TTC33: variants seen among roughly 807,000 people sequenced by gnomAD.
TTC33 encodes tetratricopeptide repeat domain 33.
In TTC33, 24 loss-of-function variants were observed where a neutral mutation model predicts 29.4. The ratio of observed to expected loss-of-function variants is 0.82; its 90% CI spans 0.59 to 1.15. The LOEUF is 1.15. TTC33 is among the 50% of genes most tolerant of loss of function. The pLI is 0.00. For missense variants in TTC33, 286 were observed against 310.4 expected (o/e 0.92, Z 0.59); for synonymous variants, 107 against 100.3 (o/e 1.07, Z -0.40).
At chr5:40,729,818 C>G (rs1487264756) in intron 3 of TTC33, among the ~76,000 whole-genome samples, 1 of 152,180 alleles carries the variant, frequency 6.6e-6, no homozygotes, top group Non-Finnish European at 1.5e-5. Flanking sequence ...CCTGCCTCAG[C>G]CTCTCAAGTA....
intron 4 of TTC33, among the ~76,000 whole-genome samples, chr5:40,724,887 C>A (rs1350531105): frequency 1.4e-5 from 2 of 146,422 alleles, no homozygotes; most frequent in East Asian, 4.0e-4. Context: ...GAGTCTCACT[C>A]TGTCACTCAT....
At chr5:40,739,716 G>T (rs576758902) in intron 2 of TTC33, among the ~76,000 whole-genome samples, 3 of 152,290 alleles carry the variant, frequency 2.0e-5, no homozygotes, top group Admixed American at 1.3e-4. Context: ...ACAGAACCGT[G>T]AGCCAATTAA....
At position 40,744,259 on chromosome 5, in the gene TTC33, TAGTTA is replaced by T. The variant is rs145311538; in HGVS notation, c.221+2534_221+2538del. 3.1e-3 allele frequency among the ~76,000 whole-genome samples: 465 copies of T among 152,334 alleles called. 11 individuals are homozygous for T. The East Asian group carries it at 0.063, about 21-fold the overall frequency. On this transcript the variant is annotated intron_variant, in intron 2 of 4. Coordinates refer to ENST00000337702, the MANE Select transcript of TTC33 (RefSeq NM_012382.3). Reference sequence around the variant, plus strand: ...TGAGAATTCACAACCTAACATTAGCTAGTTAAGTTAATTGATCTTGATTGCTATTT... The same window carrying T: ...TGAGAATTCACAACCTAACATTAGCTAGTTAATTGATCTTGATTGCTATTT...
Position 40,715,865 on chromosome 5 carries a change from T to TTG in TTC33, c.*279_*280insCA. On this transcript the variant is annotated 3_prime_UTR_variant, in exon 5 of 5. Coordinates refer to ENST00000337702, the MANE Select transcript of TTC33 (RefSeq NM_012382.3). ...AAGAATACATTTTTCAAGTTTTGTC[T>TTG]TTAAAATGTATTCATTTACATATTC... 1 of 307,412 alleles carries TTG rather than the reference T, an allele frequency of 3.3e-6. No individual in the cohort carries two copies. The highest frequency in any genetic ancestry group is 1.3e-4 in the South Asian group (1 of 7,860). The allele number at this position is 307,412 out of a possible 1,614,324, so 19.0% of individuals were successfully genotyped here.
At chr5:40,723,003 A>G (rs1162030977) in intron 4 of TTC33, among the ~76,000 whole-genome samples, 3 of 152,148 alleles carry the variant, frequency 2.0e-5, no homozygotes, top group Non-Finnish European at 4.4e-5. Context: ...GAAAAGGGGG[A>G]AATGTGGGGA....
intron 2 of TTC33, among the ~76,000 whole-genome samples, chr5:40,740,943 A>G (rs145388669): frequency 6.6e-6 from 1 of 152,074 alleles, no homozygotes; most frequent in Admixed American, 6.5e-5. Flanking sequence ...TTTTTTTAAT[A>G]TATCTTCCAT....
intron 4 of TTC33, among the ~76,000 whole-genome samples, chr5:40,724,972 G>A (rs929693206): frequency 4.0e-5 from 6 of 150,584 alleles, no homozygotes; most frequent in African/African-American, 1.5e-4. Context: ...CCTGCCTCCT[G>A]AGTAGCTGGA....
chr5:40,727,739 C>T (rs1397133456), intron 4 of TTC33, among the ~76,000 whole-genome samples: 1 of 152,068 alleles, frequency 6.6e-6, no homozygotes, highest in African/African-American at 2.4e-5. Context: ...CAAAAAGTTG[C>T]CTATTGTCTA....
At chr5:40,738,599 T>TA (rs926358236) in intron 2 of TTC33, among the ~76,000 whole-genome samples, 50 of 146,226 alleles carry the variant, frequency 3.4e-4, no homozygotes, top group Non-Finnish European at 6.8e-4. Flanking sequence ...TAAAATAAAA[T>TA]AAAATAAAAA....
At chr5:40,743,058 C>T (rs1342779200) in intron 2 of TTC33, among the ~76,000 whole-genome samples, 3 of 152,078 alleles carry the variant, frequency 2.0e-5, no homozygotes, top group South Asian at 2.1e-4. Context: ...AAAAGAAAAA[C>T]AACATATAAA....
At chr5:40,717,229 CAAAA>C (rs35359209) in intron 4 of TTC33, among the ~76,000 whole-genome samples, 2 of 108,902 alleles carry the variant, frequency 1.8e-5, no homozygotes, top group Non-Finnish European at 1.8e-5. Flanking sequence ...AACTCCATCT[CAAAA>C]AAAAAAAAAA....
intron 2 of TTC33, among the ~76,000 whole-genome samples, chr5:40,742,409 A>C (rs1214452678): frequency 6.6e-6 from 1 of 152,226 alleles, no homozygotes; most frequent in Non-Finnish European, 1.5e-5. Context: ...AATTCATGTC[A>C]CCATCACAAC....
At chr5:40,740,373 A>T (rs1011528126) in intron 2 of TTC33, among the ~76,000 whole-genome samples, 8 of 151,684 alleles carry the variant, frequency 5.3e-5, no homozygotes, top group Non-Finnish European at 1.0e-4. Flanking sequence ...TTGTCCAATA[A>T]AGTTATTTTG....
intron 2 of TTC33, among the ~76,000 whole-genome samples, chr5:40,740,300 A>G (rs890852381): frequency 1.3e-5 from 2 of 151,576 alleles, no homozygotes; most frequent in African/African-American, 2.4e-5. Flanking sequence ...TTCTATGTAA[A>G]GAATTTCTTT....
At position 40,742,102 on chromosome 5, in the gene TTC33, T is replaced by G. The variant is rs868385319; in HGVS notation, c.221+4696A>C. 1.2e-4 allele frequency among the ~76,000 whole-genome samples: 18 copies of G among 151,458 alleles called. No individual in the cohort carries two copies. In the South Asian group the frequency reaches 3.8e-3, roughly 32 times the overall value. On this transcript the variant is annotated intron_variant, in intron 2 of 4. Coordinates refer to ENST00000337702, the MANE Select transcript of TTC33 (RefSeq NM_012382.3). ...CTACTGTCCAATGGTTGAAAACAGT[T>G]TTTTTTTTATATCTTTTGTCCAATT...
At chr5:40,752,586 G>A (rs766360192) in intron 1 of TTC33, among the ~76,000 whole-genome samples, 1 of 152,182 alleles carries the variant, frequency 6.6e-6, no homozygotes, top group African/African-American at 2.4e-5. Context: ...TAGCCAGTTG[G>A]TGGTACAGCA....
chr5:40,748,906 C>A (rs1742847285), intron 1 of TTC33, among the ~76,000 whole-genome samples: 1 of 152,030 alleles, frequency 6.6e-6, no homozygotes, highest in Non-Finnish European at 1.5e-5. Flanking sequence ...AGGCCAAGGC[C>A]AGTGGATCAT....
At chr5:40,731,647 G>A (rs143477528) in intron 2 of TTC33, among the ~76,000 whole-genome samples, 59 of 152,276 alleles carry the variant, frequency 3.9e-4, no homozygotes, top group African/African-American at 1.2e-3. Flanking sequence ...AGAAACTGCC[G>A]CCATAATTCA....
At chr5:40,722,439 G>C (rs545241940) in intron 4 of TTC33, among the ~76,000 whole-genome samples, 4 of 150,086 alleles carry the variant, frequency 2.7e-5, no homozygotes, top group Non-Finnish European at 5.9e-5. Context: ...CTTCCCGGCC[G>C]TCATCCAGTC....
Sources: allele counts gnomAD v4.1 joint callset (sites outside exome capture counted in the v4.1 genomes callset), GRCh38; gene constraint gnomAD v4.1.1; transcripts MANE v1.5; gene names NCBI Gene and HGNC (gene_info 2026-07-23, HGNC 2026-07-21).